TNKS: variants seen among roughly 807,000 people sequenced by gnomAD.
TNKS encodes tankyrase.
In TNKS, 72 loss-of-function variants were observed where a neutral mutation model predicts 135.8. The ratio of observed to expected loss-of-function variants is 0.53; its 90% confidence interval spans 0.44 to 0.64. TNKS has a LOEUF of 0.64. TNKS is among the 30% of genes least tolerant of loss of function. The probability of loss-of-function intolerance (pLI) is 0.00; values close to 1 mark genes in which losing one functional copy is unlikely to be tolerated. For synonymous variants in TNKS, 849 were observed against 649.3 expected (o/e 1.31, Z -4.68); for missense variants, 1,769 against 1,674.0 (o/e 1.06, Z -0.99).
intron 3 of TNKS, among the ~76,000 whole-genome samples, chr8:9,663,173 C>G (rs769717398): frequency 3.3e-5 from 5 of 152,170 alleles, no homozygotes; most frequent in Non-Finnish European, 7.3e-5. Context: ...GGAACACATC[C>G]CTGCTCATCC....
chr8:9,759,375 G>T (rs889099093), intron 20 of TNKS, among the ~76,000 whole-genome samples: 2 of 152,216 alleles, frequency 1.3e-5, no homozygotes, highest in African/African-American at 4.8e-5. Flanking sequence ...TCATAAGTCT[G>T]TCTCACACGG....
At chr8:9,648,839 C>G (rs1460130496) in intron 3 of TNKS, among the ~76,000 whole-genome samples, 1 of 151,866 alleles carries the variant, frequency 6.6e-6, no homozygotes, top group African/African-American at 2.4e-5. Context: ...AAAAGAATGT[C>G]TCATCTTGGG....
intron 12 of TNKS, among the ~76,000 whole-genome samples, chr8:9,724,080 C>A (rs1239938626): frequency 6.6e-6 from 1 of 152,158 alleles, no homozygotes; most frequent in Non-Finnish European, 1.5e-5. Context: ...TTTTTAAAAA[C>A]TCTAATGAGC....
At chr8:9,715,848 G>A (rs889036880) in intron 11 of TNKS, among the ~76,000 whole-genome samples, 10 of 152,156 alleles carry the variant, frequency 6.6e-5, no homozygotes, top group African/African-American at 2.4e-4. Flanking sequence ...GTACTATAAA[G>A]TCTAAATAGG....
intron 11 of TNKS, among the ~76,000 whole-genome samples, chr8:9,711,584 C>G (rs945440239): frequency 3.9e-5 from 6 of 152,070 alleles, no homozygotes; most frequent in African/African-American, 1.4e-4. Context: ...AAGGTGTTGT[C>G]ATAGTTGTGT....
intron 17 of TNKS, among the ~76,000 whole-genome samples, chr8:9,740,194 C>G (rs1362772644): frequency 1.3e-5 from 2 of 152,060 alleles, no homozygotes; most frequent in African/African-American, 2.4e-5. Flanking sequence ...TAACTAAGGC[C>G]CACTCAAGCC....
At chr8:9,583,552 G>A (rs61065833) in intron 2 of TNKS, among the ~76,000 whole-genome samples, 3 of 151,468 alleles carry the variant, frequency 2.0e-5, no homozygotes, top group Non-Finnish European at 2.9e-5. Context: ...GCGGTGGCGC[G>A]ATCTCTGCTC....
chr8:9,582,008 C>G (rs1204536732), intron 2 of TNKS, among the ~76,000 whole-genome samples: 17 of 152,048 alleles, frequency 1.1e-4, no homozygotes, highest in African/African-American at 4.1e-4. Flanking sequence ...GTTCTTGTGC[C>G]TTATAAAAGT....
At chr8:9,639,163 CTA>C (rs1443007633) in intron 3 of TNKS, among the ~76,000 whole-genome samples, 1 of 152,106 alleles carries the variant, frequency 6.6e-6, no homozygotes, top group African/African-American at 2.4e-5. Context: ...TGAATATTTT[CTA>C]TGTTATTCAG....
In TNKS at chr8:9,690,266, C is replaced by T. The variant is rs111442799; in HGVS notation, c.1107+9466C>T. ...GAAAAGAGAAACACAAATTGCTGGCCGCTGAAAAATCCCCTTGAAGATTCC... is the reference window on the plus strand; with the variant it reads ...GAAAAGAGAAACACAAATTGCTGGCTGCTGAAAAATCCCCTTGAAGATTCC... On this transcript the variant is annotated intron_variant, in intron 5 of 26. Transcript: ENST00000310430. Among the ~76,000 whole-genome samples the T allele has an allele frequency of 2.0e-3, 300 of 152,192 alleles. 3 individuals carry two copies. Among genetic ancestry groups the T allele is most frequent in the African/African-American group, 6.6e-3 (272 of 41,526 alleles).
At chr8:9,675,001 T>A (rs1054776402) in intron 3 of TNKS, among the ~76,000 whole-genome samples, 1 of 152,180 alleles carries the variant, frequency 6.6e-6, no homozygotes, top group Non-Finnish European at 1.5e-5. Flanking sequence ...TTACCCCAGT[T>A]GTTCTGAATA....
intron 5 of TNKS, among the ~76,000 whole-genome samples, chr8:9,701,068 G>A (rs1248879413): frequency 6.6e-6 from 1 of 151,562 alleles, no homozygotes; most frequent in African/African-American, 2.4e-5. Flanking sequence ...CAAGTCGCTG[G>A]GACTACAGGT....
chr8:9,696,449 C>A (rs1803518400), intron 5 of TNKS, among the ~76,000 whole-genome samples: 1 of 151,790 alleles, frequency 6.6e-6, no homozygotes, highest in Non-Finnish European at 1.5e-5. Flanking sequence ...CTAGAGCAGT[C>A]AGGCAAGAAA....
In TNKS at chr8:9,776,711, C is replaced by T. The variant is rs1292835120; in HGVS notation, c.3959C>T (p.Ala1320Val). 12 of 1,613,856 alleles carry T rather than the reference C, an allele frequency of 7.4e-6. No individual in the cohort carries two copies. Among genetic ancestry groups the T allele is most frequent in the Non-Finnish European group, 9.3e-6 (11 of 1,179,934 alleles). Reference sequence around the variant, plus strand: ...AAGCCAGAAGCCCCTTCCCAGACCGCAACAGCCGCAGAGCAGAAGACCTAG... The same window carrying T: ...AAGCCAGAAGCCCCTTCCCAGACCGTAACAGCCGCAGAGCAGAAGACCTAG... ...IMKPEAPSQT[A>V]TAAEQKT Residue 1320 changes from alanine (A) to valine (V), a missense_variant, in exon 27 of 27, where the codon GCA (alanine) becomes GTA (valine). By Grantham distance (64) the Ala-to-Val change is moderately conservative. Transcript: ENST00000310430.
intron 3 of TNKS, 28 bp from the exon 4 acceptor site, chr8:9,679,923 A>T: frequency 6.3e-7 from 1 of 1,599,234 alleles, no homozygotes; most frequent in Non-Finnish European, 8.6e-7. Context: ...GCCAAATGCT[A>T]ACAGCATGAT....
chr8:9,728,019 C>T (rs1188102829), intron 13 of TNKS, among the ~76,000 whole-genome samples: 1 of 152,168 alleles, frequency 6.6e-6, no homozygotes, highest in Non-Finnish European at 1.5e-5. Flanking sequence ...GCATGATCAT[C>T]TCAGTGCTTG....
intron 26 of TNKS, among the ~76,000 whole-genome samples, chr8:9,775,619 A>G (rs1040105986): frequency 9.9e-5 from 15 of 151,118 alleles, no homozygotes; most frequent in African/African-American, 3.6e-4. Context: ...ACAATAATAG[A>G]TCCTTACTAT....
chr8:9,740,046 A>C (rs577329558), intron 17 of TNKS, among the ~76,000 whole-genome samples: 2 of 75,480 alleles, frequency 2.6e-5, no homozygotes, highest in East Asian at 7.9e-4. Flanking sequence ...CCTAAAACTT[A>C]GAGTATAATA....
At chr8:9,766,202 T>A (rs376727637) in intron 24 of TNKS, 37 bp from the exon 25 acceptor site, 6 of 1,558,410 alleles carry the variant, frequency 3.9e-6, no homozygotes, top group Non-Finnish European at 5.2e-6. Flanking sequence ...TCTAGAAAAG[T>A]GTTCAAAAAC....
Sources: gnomAD v4.1 joint callset for allele counts (sites outside exome capture counted in the v4.1 genomes callset) on GRCh38, gnomAD v4.1.1 for gene constraint, MANE v1.5 for transcripts, NCBI Gene and HGNC (gene_info 2026-07-23, HGNC 2026-07-21) for gene names.